The following TJAP1 variants were observed in gnomAD, a reference collection of about 807,000 sequenced individuals.
The protein encoded by TJAP1 is tight junction associated protein 1, also known as tight junction-associated protein 1.
TJAP1 carries 27 observed loss-of-function variants against 42.0 expected under a neutral mutation model. The observed-to-expected ratio is 0.64, with a 90% CI of 0.47 to 0.89. The LOEUF is 0.89. Ranked by LOEUF, TJAP1 falls within the 40% of genes least tolerant of loss-of-function variation. The pLI is 0.00. For synonymous variants in TJAP1, 257 were observed against 288.4 expected (o/e 0.89, Z 1.10); for missense variants, 712 against 726.9 (o/e 0.98, Z 0.24).
chr6:43,505,364 CT>C lies in TJAP1; in HGVS notation c.1184del (p.Leu395GlnfsTer92). Reference sequence around the variant, plus strand: ...CCACCACCAGCCCAGCCCAGCACCCCTAACACTCAGTGCCCCAGCTAGCTCT... The same window carrying C: ...CCACCACCAGCCCAGCCCAGCACCCCAACACTCAGTGCCCCAGCTAGCTCT... On this transcript the variant is annotated frameshift_variant, in exon 11 of 11. Transcript: ENST00000372449. LOFTEE classifies it low-confidence loss of function (END_TRUNC). The surrounding 1 kb of genome is among the most constrained non-coding windows in gnomAD (Gnocchi z 5.5). 6.2e-7 allele frequency: 1 copy of C among 1,609,466 alleles called. No individual in the cohort carries two copies. The highest frequency in any genetic ancestry group is 8.5e-7 in the Non-Finnish European group (1 of 1,179,594).
At chr6:43,477,858 A>G (rs1784535603) in intron 1 of TJAP1, among the ~76,000 whole-genome samples, 3 of 152,156 alleles carry the variant, frequency 2.0e-5, no homozygotes, top group Admixed American at 2.0e-4. Flanking sequence ...GGCAGCCAGA[A>G]GTAGGTGTTG....
At chr6:43,506,085 C>A (rs915456392) in exon 11 of TJAP1, 1 of 409,794 alleles carries the variant, frequency 2.4e-6, no homozygotes. Context: ...AATATTTATT[C>A]TTCAGAGGTA....
chr6:43,481,562 A>T (rs911156074), intron 2 of TJAP1, among the ~76,000 whole-genome samples: 4 of 151,650 alleles, frequency 2.6e-5, no homozygotes, highest in African/African-American at 9.7e-5. Flanking sequence ...AAATAATAAA[A>T]ATAGGAAGTA....
chr6:43,479,216 G>C (rs1784809994), intron 2 of TJAP1, among the ~76,000 whole-genome samples: 1 of 152,118 alleles, frequency 6.6e-6, no homozygotes, highest in Non-Finnish European at 1.5e-5. Flanking sequence ...GATCAGCATC[G>C]CTTCATGGTG....
intron 2 of TJAP1, among the ~76,000 whole-genome samples, chr6:43,489,206 C>T (rs534575152): frequency 8.0e-4 from 122 of 152,196 alleles, no homozygotes; most frequent in Non-Finnish European, 1.3e-3. Flanking sequence ...GTCACTTCCC[C>T]CAGGGTGGTC....
Position 43,495,049 on chromosome 6 carries a change from C to T in TJAP1, c.-121-2832C>T, listed in dbSNP as rs1350965903. ...CTGCTCTCCTTAGGGACCTTTTCTT[C>T]CCCACATGGGATTGGGAGTCCTCCT... On this transcript the variant is annotated intron_variant, in intron 2 of 10. Transcript: ENST00000372449. This position sits in a 1 kb window ranked among gnomAD's most constrained non-coding sequence, Gnocchi z 4.6. 1.3e-5 allele frequency among the ~76,000 whole-genome samples: 2 copies of T among 152,234 alleles called. No individual in the cohort carries two copies. Among genetic ancestry groups the T allele is most frequent in the African/African-American group, 2.4e-5 (1 of 41,464 alleles).
rs972993073 is a variant in TJAP1, at chr6:43,495,632, C to T, written c.-121-2249C>T. ...CTGACATGCGTGGAAAGAATAGGCT[C>T]TGGCAGAGAGAATAACCTCCCATCA... is the stretch of plus-strand genomic sequence containing the variant. On this transcript the variant is annotated intron_variant, in intron 2 of 10. Coordinates refer to ENST00000372449, the Ensembl canonical transcript of TJAP1. This position sits in a 1 kb window ranked among gnomAD's most constrained non-coding sequence, Gnocchi z 4.6. Among the ~76,000 whole-genome samples, 3 of 152,148 alleles carry T rather than the reference C, an allele frequency of 2.0e-5. No individual in the cohort carries two copies. The highest frequency in any genetic ancestry group is 4.4e-5 in the Non-Finnish European group (3 of 68,018).
At chr6:43,502,312 G>A (rs765731218) in exon 7 of TJAP1, 11 of 1,613,690 alleles carry the variant, frequency 6.8e-6, no homozygotes, top group East Asian at 2.2e-5. Context: ...GCTTCCCAGC[G>A]GACCAACCAG....
rs112315103 is a variant in TJAP1, at chr6:43,491,517, C to T, written c.-121-6364C>T. ...GTTAGTCAGGCTGGTCTCGAACTCC[C>T]GACCTCAGGTGATCTGCCCGCCTTG... On this transcript the variant is annotated intron_variant, in intron 2 of 10. Transcript: ENST00000372449. The surrounding 1 kb of genome is among the most constrained non-coding windows in gnomAD (Gnocchi z 4.6). 0.018 allele frequency among the ~76,000 whole-genome samples: 2,809 copies of T among 152,158 alleles called. 35 individuals are homozygous for T. Among genetic ancestry groups the T allele is most frequent in the South Asian group, 0.039 (189 of 4,814 alleles).
intron 2 of TJAP1, among the ~76,000 whole-genome samples, chr6:43,489,203 C>T (rs1344954699): frequency 5.9e-5 from 9 of 152,204 alleles, no homozygotes; most frequent in South Asian, 2.1e-4. Flanking sequence ...GGTGTCACTT[C>T]CCCCAGGGTG....
Position 43,489,361 on chromosome 6 carries a change from G to A in TJAP1, c.-121-8520G>A, listed in dbSNP as rs112604463. Among the ~76,000 whole-genome samples, 58 of 152,312 alleles carry A rather than the reference G, an allele frequency of 3.8e-4. 1 individual carries two copies. Among genetic ancestry groups the A allele is most frequent in the Middle Eastern group, 3.4e-3 (1 of 294 alleles). ...TGGGAAGTGCCACCCCTGGCCAGGC[G>A]GCAGTGTGCAGCCCGTGCTGTTGAC... On this transcript the variant is annotated intron_variant, in intron 2 of 10. Transcript: ENST00000372449.
intron 6 of TJAP1, among the ~76,000 whole-genome samples, 170 bp from the exon 7 acceptor site, chr6:43,502,113 T>TCTC (rs1791047933): frequency 9.3e-6 from 1 of 108,008 alleles, no homozygotes; most frequent in African/African-American, 4.2e-5. Context: ...CTCTCTCTCC[T>TCTC]TTCATAGGAG....
intron 2 of TJAP1, among the ~76,000 whole-genome samples, chr6:43,484,667 A>G (rs1472022625): frequency 6.6e-6 from 1 of 152,170 alleles, no homozygotes; most frequent in African/African-American, 2.4e-5. Flanking sequence ...AAAAGGTGAG[A>G]TTAGGAGCAT....
intron 10 of TJAP1, chr6:43,504,210 C>G (rs1425146782): frequency 7.7e-5 from 18 of 234,498 alleles, no homozygotes; most frequent in Non-Finnish European, 8.5e-5. Flanking sequence ...CGCCTCCCGG[C>G]TTCAAGCAAT....
chr6:43,498,696 C>T (rs1042082812), intron 3 of TJAP1, among the ~76,000 whole-genome samples: 1 of 152,212 alleles, frequency 6.6e-6, no homozygotes, highest in Non-Finnish European at 1.5e-5. Flanking sequence ...TGCTTTGAAG[C>T]TCCCTGTCCC....
At chr6:43,498,271 T>C (rs943837455) in intron 3 of TJAP1, among the ~76,000 whole-genome samples, 4 of 152,198 alleles carry the variant, frequency 2.6e-5, no homozygotes, top group African/African-American at 9.6e-5. Context: ...CCCTATGAAT[T>C]GGTGCTATTC....
intron 4 of TJAP1, 134 bp downstream of exon 4, chr6:43,499,234 G>A: frequency 7.2e-7 from 1 of 1,391,946 alleles, no homozygotes; most frequent in South Asian, 1.3e-5. Flanking sequence ...CAGGCCTGAG[G>A]TCTCCTAGCC....
At chr6:43,494,648 C>CTTTTTTT (rs775378416) in intron 2 of TJAP1, among the ~76,000 whole-genome samples, 1 of 114,400 alleles carries the variant, frequency 8.7e-6, no homozygotes, top group Non-Finnish European at 1.7e-5. Context: ...TGTTGATTTC[C>CTTTTTTT]TTTTTTTTTT....
At chr6:43,490,742 C>T (rs918429768) in intron 2 of TJAP1, among the ~76,000 whole-genome samples, 6 of 152,200 alleles carry the variant, frequency 3.9e-5, no homozygotes, top group Admixed American at 2.0e-4. Context: ...TTTTCACATC[C>T]GGAGTTTCTG....
Sources: allele counts gnomAD v4.1 joint callset (sites outside exome capture counted in the v4.1 genomes callset), GRCh38; gene constraint gnomAD v4.1.1; non-coding constraint Gnocchi (gnomAD v3.1); transcripts MANE v1.5; gene names NCBI Gene and HGNC (gene_info 2026-07-23, HGNC 2026-07-21).